MMADHC: variants seen among roughly 807,000 people sequenced by gnomAD.
MMADHC encodes cobalamin trafficking protein CblD.
Under a neutral mutation model 36.3 loss-of-function variants are expected in MMADHC, and 23 were observed. That is an observed-to-expected ratio of 0.63 (90% CI 0.46 to 0.90). The LOEUF is 0.90. MMADHC is among the 40% of genes least tolerant of loss of function. The probability of loss-of-function intolerance (pLI) is 0.00; values close to 1 mark genes in which losing one functional copy is unlikely to be tolerated. For synonymous variants in MMADHC, 97 were observed against 116.1 expected, an observed-to-expected ratio of 0.84 and a Z score of 1.06; for missense variants, 330 against 348.0, an observed-to-expected ratio of 0.95 and a Z score of 0.41.
chr2:149,582,312 A>G, intron 2 of MMADHC, 41 bp from the exon 3 acceptor site: 1 of 1,601,112 alleles, frequency 6.2e-7, no homozygotes. Flanking sequence ...TTCTGAATAT[A>G]AATGTTATAC....
chr2:149,573,401 A>G (rs1048855897), intron 6 of MMADHC, among the ~76,000 whole-genome samples: 1 of 152,294 alleles, frequency 6.6e-6, no homozygotes, highest in East Asian at 1.9e-4. Context: ...CTTGTTTCCT[A>G]TTTCTGCTTT....
intron 6 of MMADHC, among the ~76,000 whole-genome samples, chr2:149,573,549 A>AC (rs1682674023): frequency 6.6e-6 from 1 of 152,186 alleles, no homozygotes; most frequent in Non-Finnish European, 1.5e-5. Context: ...ATTTGTTATA[A>AC]TTTGTCTTTT....
At chr2:149,580,714 TC>T (rs908328099) in intron 3 of MMADHC, among the ~76,000 whole-genome samples, 2 of 152,290 alleles carry the variant, frequency 1.3e-5, no homozygotes, top group African/African-American at 4.8e-5. Context: ...ATATCCCTCT[TC>T]CACACTTAGG....
intron 4 of MMADHC, among the ~76,000 whole-genome samples, chr2:149,577,823 T>C (rs919211995): frequency 6.6e-6 from 1 of 152,084 alleles, no homozygotes; most frequent in African/African-American, 2.4e-5. Flanking sequence ...ATCGAGACCA[T>C]CCTAGCCAAC....
intron 2 of MMADHC, among the ~76,000 whole-genome samples, chr2:149,585,876 T>C (rs1363526082): frequency 6.6e-6 from 1 of 152,258 alleles, no homozygotes; most frequent in Non-Finnish European, 1.5e-5. Flanking sequence ...AAAAGACTTA[T>C]AAAAGGATCT....
intron 6 of MMADHC, among the ~76,000 whole-genome samples, chr2:149,574,208 T>C (rs1682682547): frequency 6.6e-6 from 1 of 152,150 alleles, no homozygotes; most frequent in Non-Finnish European, 1.5e-5. Flanking sequence ...TAATGCAATA[T>C]ACATGTGACA....
At chr2:149,576,589 A>C in intron 4 of MMADHC, 47 bp from the exon 5 acceptor site, 2 of 1,273,006 alleles carry the variant, frequency 1.6e-6, no homozygotes, top group Non-Finnish European at 2.3e-6. Flanking sequence ...AGTTCAAATA[A>C]AACGGTATCT....
chr2:149,576,604 T>A, intron 4 of MMADHC, 62 bp from the exon 5 acceptor site: 1 of 1,129,818 alleles, frequency 8.9e-7, no homozygotes, highest in Non-Finnish European at 1.4e-6. Flanking sequence ...GTATCTTGCC[T>A]GTTATAAACC....
rs372601477 is a variant in MMADHC, at chr2:149,587,072, A to G, written c.9+17T>C. 58 of 1,613,046 alleles carry G rather than the reference A, an allele frequency of 3.6e-5. No homozygotes were observed. The highest frequency in any genetic ancestry group is 8.5e-7 in the Non-Finnish European group (1 of 1,179,108). On this transcript the variant is annotated intron_variant, in intron 2 of 7. Coordinates refer to ENST00000303319, the MANE Select transcript of MMADHC (RefSeq NM_015702.3). ...AACGAGTTTACTATGCTGATTCTTA[A>G]GAGATAATTTACTCACATTGGCCAT... is the stretch of plus-strand genomic sequence containing the variant.
intron 6 of MMADHC, among the ~76,000 whole-genome samples, chr2:149,573,165 G>A (rs1252970696): frequency 6.6e-6 from 1 of 152,180 alleles, no homozygotes; most frequent in East Asian, 1.9e-4. Flanking sequence ...CTAGGTCGCA[G>A]GAGATGAGAC....
intron 2 of MMADHC, among the ~76,000 whole-genome samples, chr2:149,584,485 T>C (rs991746438): frequency 3.3e-5 from 5 of 152,192 alleles, no homozygotes; most frequent in Non-Finnish European, 5.9e-5. Context: ...AGGAGGAAGA[T>C]CATCCAAATT....
chr2:149,574,947 G>T (rs1385273516), intron 6 of MMADHC, among the ~76,000 whole-genome samples: 1 of 151,984 alleles, frequency 6.6e-6, no homozygotes, highest in Non-Finnish European at 1.5e-5. Flanking sequence ...CTACAGGTGC[G>T]CACCACTAAA....
intron 3 of MMADHC, among the ~76,000 whole-genome samples, chr2:149,580,571 G>A (rs1464386222): frequency 6.6e-6 from 1 of 152,188 alleles, no homozygotes; most frequent in Non-Finnish European, 1.5e-5. Flanking sequence ...TGGGCTTAGA[G>A]AAACAGAGGG....
At chr2:149,583,121 A>G (rs926002092) in intron 2 of MMADHC, among the ~76,000 whole-genome samples, 1 of 152,214 alleles carries the variant, frequency 6.6e-6, no homozygotes, top group Non-Finnish European at 1.5e-5. Context: ...GGATATTTGT[A>G]TTAAAAACAC....
At chr2:149,586,530 G>A in intron 2 of MMADHC, among the ~76,000 whole-genome samples, 1 of 151,994 alleles carries the variant, frequency 6.6e-6, no homozygotes, top group East Asian at 1.9e-4. Flanking sequence ...CTTCGTGTAG[G>A]TTCTAAAAAA....
chr2:149,572,335 CA>C (rs372625497), intron 6 of MMADHC: 822 of 121,656 alleles, frequency 6.8e-3, no homozygotes, highest in South Asian at 0.028. Flanking sequence ...ACTCCGTCTC[CA>C]AAAAAAAAAA....
At chr2:149,578,349 G>A (rs1573878056) in intron 4 of MMADHC, among the ~76,000 whole-genome samples, 1 of 152,172 alleles carries the variant, frequency 6.6e-6, no homozygotes, top group East Asian at 1.9e-4. Flanking sequence ...AGGGGAGGAT[G>A]GTTATTCCAC....
chr2:149,577,987 T>C (rs1682741543), intron 4 of MMADHC, among the ~76,000 whole-genome samples: 1 of 152,144 alleles, frequency 6.6e-6, no homozygotes, highest in African/African-American at 2.4e-5. Context: ...CACTGCACTC[T>C]AGCCTGGTGA....
chr2:149,572,240 G>C (rs1185964549), intron 6 of MMADHC: 7 of 426,794 alleles, frequency 1.6e-5, no homozygotes. Context: ...TCGGGAGGCT[G>C]AAGCAGAAGA....
Sources: allele counts gnomAD v4.1 joint callset (sites outside exome capture counted in the v4.1 genomes callset), GRCh38; gene constraint gnomAD v4.1.1; transcripts MANE v1.5; gene names NCBI Gene and HGNC (gene_info 2026-07-23, HGNC 2026-07-21).